The following HCRTR2 variants were observed in gnomAD, a reference collection of about 807,000 sequenced individuals.
The protein encoded by HCRTR2 is hypocretin receptor 2.
Under a neutral mutation model 49.0 loss-of-function variants are expected in HCRTR2, and 22 were observed. The ratio of observed to expected loss-of-function variants is 0.45; its 90% confidence interval spans 0.32 to 0.64. The LOEUF is 0.64. HCRTR2 is among the 30% of genes least tolerant of loss of function. HCRTR2 has a pLI of 0.04. For synonymous variants in HCRTR2, 236 were observed against 205.3 expected, an observed-to-expected ratio of 1.15 and a Z score of -1.28; for missense variants, 491 against 559.4, an observed-to-expected ratio of 0.88 and a Z score of 1.23.
At chr6:55,231,165 A>T (rs1337246461) in intron 1 of HCRTR2, among the ~76,000 whole-genome samples, 3 of 152,142 alleles carry the variant, frequency 2.0e-5, no homozygotes, top group African/African-American at 7.2e-5. Context: ...ATGAGGTAAA[A>T]AAATGAAATT....
rs1766664763 is a variant in HCRTR2, at chr6:55,256,975, G to A, written c.646+1596G>A. Among the ~76,000 whole-genome samples the A allele has an allele frequency of 2.6e-5, 4 of 152,076 alleles. No homozygotes were observed. The South Asian group carries it at 8.3e-4, about 31-fold the overall frequency. On this transcript the variant is annotated intron_variant, in intron 3 of 6. Transcript: ENST00000370862. The stretch of plus-strand genomic sequence containing the variant: ...AGAACAAACTCAGTTCTGGCCATTT[G>A]AACAAAAGTTTACAGAGGAACTGCT...
rs75705481 is a variant in HCRTR2, at chr6:55,248,729, T to C, written c.314T>C (p.Ile105Thr). 52 of 1,613,370 alleles carry C rather than the reference T, an allele frequency of 3.2e-5. No homozygotes were observed. Among genetic ancestry groups the C allele is most frequent in the Middle Eastern group, 1.6e-4 (1 of 6,074 alleles). Reference sequence around the variant, plus strand: ...TCTCTGGCTGATGTGCTCGTGACCATCACCTGCCTTCCAGCCACACTGGTC... The same window carrying C: ...TCTCTGGCTGATGTGCTCGTGACCACCACCTGCCTTCCAGCCACACTGGTC... Reference protein sequence around the residue: ...NLSLADVLVTITCLPATLVVD... With the variant: ...NLSLADVLVTTTCLPATLVVD... The change falls in exon 2 of 7, where the codon ATC becomes ACC. Residue 105 changes from isoleucine to threonine, a missense_variant. Ile to Thr is a moderately conservative substitution (Grantham distance 89). Transcript: ENST00000370862.
At position 55,255,138 on chromosome 6, in the gene HCRTR2, C is replaced by G. The variant is rs199900684; in HGVS notation, c.405C>G (p.Thr135=). The change falls in exon 3 of 7, where the codon ACC becomes ACG. Residue 135 remains threonine, a splice_region_variant and synonymous_variant. Coordinates refer to ENST00000370862, the MANE Select transcript of HCRTR2 (RefSeq NM_001384272.1). The part of the protein sequence containing the change: ...SLCKVIPYLQ[T]VSVSVSVLTL... ...ACTATGATCTTTCTTTTCTCTAGAC[C>G]GTGTCGGTGTCTGTGTCTGTCCTCA... 1.4e-5 allele frequency: 22 copies of G among 1,613,490 alleles called. No homozygotes were observed. Among genetic ancestry groups the G allele is most frequent in the Middle Eastern group, 1.6e-4 (1 of 6,074 alleles).
intron 1 of HCRTR2, among the ~76,000 whole-genome samples, chr6:55,206,696 A>C (rs372768472): frequency 6.6e-6 from 1 of 152,088 alleles, no homozygotes; most frequent in South Asian, 2.1e-4. Flanking sequence ...AGAAGGCCAA[A>C]TAAAGGTATG....
At chr6:55,213,418 G>C (rs555526658) in intron 1 of HCRTR2, among the ~76,000 whole-genome samples, 3 of 152,160 alleles carry the variant, frequency 2.0e-5, no homozygotes, top group South Asian at 2.1e-4. Flanking sequence ...TAGTTGCTGG[G>C]GAGTGACATC....
chr6:55,223,696 C>T (rs923195350), intron 1 of HCRTR2, among the ~76,000 whole-genome samples: 1 of 151,868 alleles, frequency 6.6e-6, no homozygotes, highest in Non-Finnish European at 1.5e-5. Flanking sequence ...ATATGGCGGG[C>T]TATCACTCCA....
intron 1 of HCRTR2, among the ~76,000 whole-genome samples, chr6:55,180,612 G>A (rs1161355095): frequency 2.6e-5 from 4 of 152,116 alleles, no homozygotes; most frequent in Non-Finnish European, 5.9e-5. Context: ...GATAATTGTG[G>A]CCAAGGATTA....
chr6:55,139,765 T>A (rs1196216522), intron 1 of HCRTR2, among the ~76,000 whole-genome samples: 1 of 152,204 alleles, frequency 6.6e-6, no homozygotes, highest in African/African-American at 2.4e-5. Context: ...CCCTGTTTTC[T>A]CTAGATTGGT....
At chr6:55,202,581 T>C (rs1015291987) in intron 1 of HCRTR2, among the ~76,000 whole-genome samples, 3 of 152,194 alleles carry the variant, frequency 2.0e-5, no homozygotes, top group Non-Finnish European at 4.4e-5. Context: ...GCCTGTTTCC[T>C]AATTAATAAA....
At chr6:55,272,274 A>G (rs1209899129) in intron 4 of HCRTR2, among the ~76,000 whole-genome samples, 1 of 152,146 alleles carries the variant, frequency 6.6e-6, no homozygotes, top group Non-Finnish European at 1.5e-5. Context: ...CACATATTAC[A>G]TAATTCTATT....
intron 1 of HCRTR2, among the ~76,000 whole-genome samples, chr6:55,189,202 G>T (rs998335885): frequency 6.6e-6 from 1 of 152,072 alleles, no homozygotes; most frequent in Non-Finnish European, 1.5e-5. Flanking sequence ...TGCAATCTCT[G>T]GAGTGATTTT....
intron 1 of HCRTR2, among the ~76,000 whole-genome samples, chr6:55,164,159 CT>C (rs1394837319): frequency 1.4e-4 from 22 of 152,154 alleles, no homozygotes; most frequent in African/African-American, 5.1e-4. Context: ...AATAGGAACG[CT>C]TTTACACTGT....
At chr6:55,219,032 A>G (rs188176706) in intron 1 of HCRTR2, among the ~76,000 whole-genome samples, 2 of 152,258 alleles carry the variant, frequency 1.3e-5, no homozygotes, top group Admixed American at 6.5e-5. Context: ...TATATTGCCC[A>G]GCTGGTCTTA....
rs774913881 is a variant in HCRTR2 at position 55,256,214 on chromosome 6, T to TA, written c.646+844dup. 3.1e-3 allele frequency among the ~76,000 whole-genome samples: 472 copies of TA among 151,550 alleles called. 1 individual carries two copies. The highest frequency in any genetic ancestry group is 4.7e-3 in the Non-Finnish European group (318 of 67,820). ...CAATATATCATATGAAATATATATTTAAAAAAAAACCAATCTGACCTCTTC... is the reference window on the plus strand; with the variant it reads ...CAATATATCATATGAAATATATATTTAAAAAAAAAACCAATCTGACCTCTTC... On this transcript the variant is annotated intron_variant, in intron 3 of 6. Coordinates refer to ENST00000370862, the MANE Select transcript of HCRTR2 (RefSeq NM_001384272.1).
At chr6:55,187,763 T>C (rs1765247872) in intron 1 of HCRTR2, among the ~76,000 whole-genome samples, 1 of 151,066 alleles carries the variant, frequency 6.6e-6, no homozygotes, top group Admixed American at 6.6e-5. Context: ...TGAATACCTT[T>C]ACATATTATC....
chr6:55,132,473 A>C (rs1764371292), intron 1 of HCRTR2, among the ~76,000 whole-genome samples: 1 of 151,972 alleles, frequency 6.6e-6, no homozygotes, highest in Non-Finnish European at 1.5e-5. Flanking sequence ...CACACTATGC[A>C]TGCCAATCCT....
chr6:55,204,327 C>A (rs1765562478), intron 1 of HCRTR2, among the ~76,000 whole-genome samples: 1 of 152,184 alleles, frequency 6.6e-6, no homozygotes, highest in African/African-American at 2.4e-5. Context: ...AAGTTGCTGA[C>A]AGTAGTATCT....
intron 4 of HCRTR2, among the ~76,000 whole-genome samples, chr6:55,269,106 A>AAG: frequency 6.7e-6 from 1 of 148,982 alleles, no homozygotes; most frequent in East Asian, 1.9e-4. Context: ...AAAAAAAAAA[A>AAG]GAAATAAAGA....
At chr6:55,260,867 C>A (rs1766741415) in intron 3 of HCRTR2, among the ~76,000 whole-genome samples, 1 of 152,156 alleles carries the variant, frequency 6.6e-6, no homozygotes, top group African/African-American at 2.4e-5. Flanking sequence ...TGACTGTAAA[C>A]TGCTCTTATC....
Sources: gnomAD v4.1 joint callset for allele counts (sites outside exome capture counted in the v4.1 genomes callset) on GRCh38, gnomAD v4.1.1 for gene constraint, MANE v1.5 for transcripts, NCBI Gene and HGNC (gene_info 2026-07-23, HGNC 2026-07-21) for gene names.